The following OMA1 variants were observed in gnomAD, a reference collection of about 807,000 sequenced individuals.
The protein encoded by OMA1 is OMA1 zinc metallopeptidase.
Under a neutral mutation model 30.9 loss-of-function variants are expected in OMA1, and 38 were observed. That is an observed-to-expected ratio of 1.23 (90% confidence interval 0.95 to 1.61). OMA1 has a LOEUF of 1.61. Ranked by LOEUF, OMA1 falls within the 40% of genes most tolerant of loss-of-function variation. OMA1 has a pLI of 0.00. For synonymous variants in OMA1, 173 were observed against 121.9 expected (o/e 1.42, Z -2.76); for missense variants, 461 against 349.2 (o/e 1.32, Z -2.55).
intron 8 of OMA1, among the ~76,000 whole-genome samples, chr1:58,486,214 C>T (rs1437072507): frequency 6.6e-6 from 1 of 152,162 alleles, no homozygotes; most frequent in Non-Finnish European, 1.5e-5. Context: ...CAGGACCTTA[C>T]CTACAGAAAT....
At position 58,499,341 on chromosome 1, in the gene OMA1, C is replaced by T. The variant is rs187936212; in HGVS notation, c.1365+6719G>A. Among the ~76,000 whole-genome samples the T allele has an allele frequency of 8.9e-3, 1,313 of 147,396 alleles. 7 individuals carry two copies. Among genetic ancestry groups the T allele is most frequent in the South Asian group, 0.013 (61 of 4,662 alleles). On this transcript the variant is annotated intron_variant, in intron 8 of 8. Transcript: ENST00000371226. ...AAAAAAAAAAAAAAAAAAAAAAGGC[C>T]AGGCATTGTGGTACATTCCTATAGT...
At chr1:58,508,132 C>T (rs1015018498) in intron 7 of OMA1, among the ~76,000 whole-genome samples, 1 of 152,066 alleles carries the variant, frequency 6.6e-6, no homozygotes, top group African/African-American at 2.4e-5. Flanking sequence ...TTAATTATCC[C>T]TACAGACTAG....
intron 7 of OMA1, among the ~76,000 whole-genome samples, chr1:58,512,665 G>A (rs1160248417): frequency 6.6e-6 from 1 of 152,162 alleles, no homozygotes; most frequent in Non-Finnish European, 1.5e-5. Flanking sequence ...AATACGAGAC[G>A]ATTCCACTTA....
At chr1:58,484,823 T>A (rs1337669370) in intron 8 of OMA1, among the ~76,000 whole-genome samples, 2 of 152,110 alleles carry the variant, frequency 1.3e-5, no homozygotes, top group African/African-American at 2.4e-5. Context: ...AAAGGCTACA[T>A]GATTCCAACT....
At chr1:58,517,676 G>A (rs1646178593) in intron 7 of OMA1, among the ~76,000 whole-genome samples, 1 of 152,108 alleles carries the variant, frequency 6.6e-6, no homozygotes, top group African/African-American at 2.4e-5. Flanking sequence ...AAGATATTAT[G>A]TATCCCTATA....
intron 5 of OMA1, 39 bp from the exon 6 acceptor site, chr1:58,530,768 A>G (rs1420101768): frequency 2.3e-6 from 2 of 857,902 alleles, no homozygotes; most frequent in Admixed American, 1.7e-5. Context: ...CATTTTATAC[A>G]TTGAGACAGT....
intron 8 of OMA1, among the ~76,000 whole-genome samples, chr1:58,490,973 A>AT (rs1046644393): frequency 6.0e-5 from 9 of 151,002 alleles, no homozygotes; most frequent in African/African-American, 2.2e-4. Context: ...GCCCGGCTAA[A>AT]TTTTTTTGTA....
At chr1:58,525,470 CTATT>C (rs35058770) in intron 7 of OMA1, among the ~76,000 whole-genome samples, 67 of 152,120 alleles carry the variant, frequency 4.4e-4, no homozygotes, top group African/African-American at 1.5e-3. Flanking sequence ...AAAAATGACA[CTATT>C]TATCATGACA....
Position 58,480,867 on chromosome 1 carries a change from CTTT to C in OMA1, c.*95_*97del, listed in dbSNP as rs67922378. ...TGTACATGATTTGACCCTGAATATCCTTTTTTTTTTCACTTCAAACATCATTTT... is the reference window on the plus strand; with the variant it reads ...TGTACATGATTTGACCCTGAATATCCTTTTTTTCACTTCAAACATCATTTT... On this transcript the variant is annotated 3_prime_UTR_variant, in exon 9 of 9. Transcript: ENST00000371226. The C allele has an allele frequency of 9.8e-6, 6 of 610,630 alleles. No homozygotes were observed. The highest frequency in any genetic ancestry group is 2.4e-5 in the South Asian group (1 of 42,160). 37.8% of individuals were successfully genotyped at this position (610,630 alleles called of 1,614,324 possible). A position where few individuals can be genotyped will look rare whatever the true frequency, so the allele number is the denominator to read the frequency against.
chr1:58,489,877 G>A (rs1054636959), intron 8 of OMA1, among the ~76,000 whole-genome samples: 2 of 152,206 alleles, frequency 1.3e-5, no homozygotes, highest in South Asian at 2.1e-4. Context: ...CTGCAGCTGA[G>A]GGTCCTGACT....
intron 6 of OMA1, among the ~76,000 whole-genome samples, chr1:58,530,152 A>ACTG (rs1569960324): frequency 6.6e-6 from 1 of 152,190 alleles, no homozygotes; most frequent in East Asian, 1.9e-4. Context: ...AAGTGCTGAG[A>ACTG]TTACAGGCAT....
chr1:58,516,030 G>T (rs185358488), intron 7 of OMA1, among the ~76,000 whole-genome samples: 55 of 152,270 alleles, frequency 3.6e-4, no homozygotes, highest in African/African-American at 1.3e-3. Flanking sequence ...GGTTACTTGA[G>T]GAAACTAGCA....
chr1:58,484,754 C>T (rs338226), intron 8 of OMA1, among the ~76,000 whole-genome samples: 7,746 of 152,070 alleles, frequency 0.051, 661 homozygotes, highest in African/African-American at 0.18. Context: ...AGCTATCAAG[C>T]CATGAAAAGA....
chr1:58,517,638 T>C (rs2100442490), intron 7 of OMA1, among the ~76,000 whole-genome samples: 1 of 152,322 alleles, frequency 6.6e-6, no homozygotes, highest in South Asian at 2.1e-4. Flanking sequence ...ATTTATTAAA[T>C]TTCTGTCTCT....
intron 7 of OMA1, among the ~76,000 whole-genome samples, chr1:58,506,681 C>T (rs1039167305): frequency 3.9e-5 from 6 of 152,020 alleles, no homozygotes; most frequent in African/African-American, 1.4e-4. Flanking sequence ...ATTCTGTTTT[C>T]ATAAAGTTTT....
chr1:58,540,198 G>A lies in OMA1; in HGVS notation c.-16-888C>T, dbSNP rs116265333. Among the ~76,000 whole-genome samples, 821 of 151,924 alleles carry A rather than the reference G, an allele frequency of 5.4e-3. 5 individuals are homozygous for A. The highest frequency in any genetic ancestry group is 0.019 in the African/African-American group (786 of 41,384). On this transcript the variant is annotated intron_variant, in intron 1 of 8. Coordinates refer to ENST00000371226, the MANE Select transcript of OMA1 (RefSeq NM_145243.5). ...ATTAGAGAAAGATTAGTCTGAGACC[G>A]AAAGCTGCTCTGGCCCCACCTAACA...
chr1:58,534,637 A>G (rs897530554), intron 3 of OMA1, among the ~76,000 whole-genome samples: 13 of 152,242 alleles, frequency 8.5e-5, no homozygotes, highest in African/African-American at 2.9e-4. Flanking sequence ...TAAACATTTT[A>G]GAAAACACTG....
intron 8 of OMA1, among the ~76,000 whole-genome samples, chr1:58,492,390 C>A (rs1645712457): frequency 6.6e-6 from 1 of 150,900 alleles, no homozygotes; most frequent in African/African-American, 2.4e-5. Flanking sequence ...CAAAAGCTAG[C>A]AGAAGGCAAG....
At chr1:58,541,614 C>CAAAAAAAAAAAAAA (rs60360589) in intron 1 of OMA1, 23 of 65,624 alleles carry the variant, frequency 3.5e-4, no homozygotes, top group South Asian at 7.5e-4. Flanking sequence ...GAGAACCTGT[C>CAAAAAAAAAAAAAA]AAAAAAAAAA....
Sources: gnomAD v4.1 joint callset for allele counts (sites outside exome capture counted in the v4.1 genomes callset) on GRCh38, gnomAD v4.1.1 for gene constraint, MANE v1.5 for transcripts, NCBI Gene and HGNC (gene_info 2026-07-23, HGNC 2026-07-21) for gene names.